The following CTDP1 variants were observed in gnomAD, a reference collection of about 807,000 sequenced individuals.
CTDP1 encodes the protein CTD phosphatase 1.
CTDP1 carries 47 observed loss-of-function variants against 91.8 expected under a neutral mutation model. That is an observed-to-expected ratio of 0.51 (90% CI 0.41 to 0.65). The LOEUF (loss-of-function observed/expected upper bound fraction) is 0.65, where lower values mean the gene tolerates loss of function less well. Among genes scored for constraint, CTDP1 ranks in the 30% least tolerant of loss-of-function variants. The pLI, the probability that CTDP1 is intolerant of heterozygous loss-of-function variation, is 0.00. For missense variants in CTDP1, 1,272 were observed against 1,373.7 expected, an observed-to-expected ratio of 0.93 and a Z score of 1.17; for synonymous variants, 656 against 598.5, an observed-to-expected ratio of 1.10 and a Z score of -1.40.
At chr18:79,725,297 C>T (rs146952868) in intron 10 of CTDP1, among the ~76,000 whole-genome samples, 2,066 of 152,308 alleles carry the variant, frequency 0.014, 45 homozygotes, top group African/African-American at 0.047. Flanking sequence ...AGGTGGGAAG[C>T]GCCCCACCCT....
At chr18:79,720,361 AC>A (rs2086316159) in intron 10 of CTDP1, among the ~76,000 whole-genome samples, 1 of 115,866 alleles carries the variant, frequency 8.6e-6, no homozygotes. Flanking sequence ...TGATGATGTC[AC>A]CTCCTATTGT....
At chr18:79,718,105 C>G (rs111591249) in intron 10 of CTDP1, 89 bp downstream of exon 10, 3 of 1,484,392 alleles carry the variant, frequency 2.0e-6, no homozygotes, top group African/African-American at 1.4e-5. Context: ...GTCAGTTGCC[C>G]GAAGTGAGGG....
intron 10 of CTDP1, among the ~76,000 whole-genome samples, chr18:79,721,065 C>G (rs2086335098): frequency 6.6e-6 from 1 of 152,178 alleles, no homozygotes; most frequent in Non-Finnish European, 1.5e-5. Context: ...TCTGGAAGCT[C>G]TCCGTCCTTT....
intron 4 of CTDP1, among the ~76,000 whole-genome samples, chr18:79,699,747 T>G (rs1396803675): frequency 6.6e-6 from 1 of 152,184 alleles, no homozygotes; most frequent in Non-Finnish European, 1.5e-5. Flanking sequence ...TTATGGTGCT[T>G]CACTGATACT....
intron 6 of CTDP1, among the ~76,000 whole-genome samples, chr18:79,710,956 T>C (rs1194653899): frequency 6.6e-6 from 1 of 152,174 alleles, no homozygotes; most frequent in Non-Finnish European, 1.5e-5. Context: ...GTACTCCCAC[T>C]GTCTCCCAGG....
intron 12 of CTDP1, among the ~76,000 whole-genome samples, chr18:79,739,825 T>A (rs536613469): frequency 7.3e-6 from 1 of 136,484 alleles, no homozygotes; most frequent in African/African-American, 2.8e-5. Context: ...GGGACTCTCA[T>A]ACCCACGGCC....
chr18:79,711,313 C>G (rs1205852052), intron 6 of CTDP1, among the ~76,000 whole-genome samples: 1 of 152,242 alleles, frequency 6.6e-6, no homozygotes. Context: ...GACCTGGCAT[C>G]GAGATTTGTG....
upstream of CTDP1, chr18:79,678,609 T>C (rs1379406672): frequency 6.6e-6 from 1 of 152,194 alleles, no homozygotes; most frequent in Non-Finnish European, 1.5e-5. Flanking sequence ...TCCAAAATGT[T>C]AGTATTCAGC....
At chr18:79,699,565 G>A (rs1466409632) in intron 4 of CTDP1, among the ~76,000 whole-genome samples, 1 of 151,876 alleles carries the variant, frequency 6.6e-6, no homozygotes, top group East Asian at 1.9e-4. Context: ...GCCCGCCCAA[G>A]GTTTTTTTTT....
chr18:79,679,631 G>C (rs187254134), upstream of CTDP1: 1,055 of 491,878 alleles, frequency 2.1e-3, 7 homozygotes, highest in African/African-American at 0.019. Context: ...CTGCTCCACG[G>C]TGCCGGCGCT....
At chr18:79,739,654 C>G (rs1440536805) in intron 12 of CTDP1, among the ~76,000 whole-genome samples, 6 of 152,162 alleles carry the variant, frequency 3.9e-5, no homozygotes, top group African/African-American at 1.4e-4. Context: ...ACTGTAATTG[C>G]CGTTTCACTC....
chr18:79,725,561 A>G (rs1039896326), intron 10 of CTDP1, among the ~76,000 whole-genome samples: 1 of 149,714 alleles, frequency 6.7e-6, no homozygotes, highest in Admixed American at 6.6e-5. Context: ...CTTATTTCGT[A>G]CTTTCCTTCT....
intron 8 of CTDP1, among the ~76,000 whole-genome samples, chr18:79,717,250 G>T (rs995808895): frequency 6.7e-6 from 1 of 150,148 alleles, no homozygotes; most frequent in Non-Finnish European, 1.5e-5. Flanking sequence ...CTGAGCCCTG[G>T]TGGGGTACAG....
chr18:79,682,376 G>A (rs905129170), intron 1 of CTDP1, among the ~76,000 whole-genome samples: 2 of 152,212 alleles, frequency 1.3e-5, no homozygotes, highest in Non-Finnish European at 2.9e-5. Context: ...TGGGAGTAGC[G>A]CCCTGCAGTG....
At chr18:79,695,379 G>A in intron 2 of CTDP1, 71 bp downstream of exon 2, 1 of 1,400,018 alleles carries the variant, frequency 7.1e-7, no homozygotes, top group Non-Finnish European at 1.0e-6. Flanking sequence ...AGTCCGAGAA[G>A]CTGTGCTGGG....
At chr18:79,679,510 G>A, upstream of CTDP1, 1 of 457,740 alleles carries the variant, frequency 2.2e-6, no homozygotes, top group South Asian at 1.5e-5. Flanking sequence ...GTTGAACGCT[G>A]GGACTCGTAG....
rs768414163 is a variant in CTDP1 at position 79,713,170 on chromosome 18, A to G, written c.1030+32A>G. 2.5e-6 allele frequency: 4 copies of G among 1,604,556 alleles called. No individual in the cohort carries two copies. In the Admixed American group the frequency reaches 6.7e-5, roughly 27 times the overall value. On this transcript the variant is annotated intron_variant, in intron 7 of 12. Transcript: ENST00000613122. This position sits in a 1 kb window ranked among gnomAD's most constrained non-coding sequence, Gnocchi z 4.7. ...AACCTCCTTCCTGATTCTCTAGAAG[A>G]ATTCACATTTGCTTATTGTTTAGCT...
chr18:79,736,230 GCAGAGT>G lies in CTDP1; in HGVS notation c.2581-124_2581-119del, dbSNP rs1234152628. On this transcript the variant is annotated intron_variant, in intron 11 of 12. Transcript: ENST00000613122. ...TCAAGCCCCAGGGCTCAGGTAGAAA[GCAGAGT>G]GCTACCTCCAGCCCCCACCCTGCTG... 7 of 1,251,322 alleles carry G rather than the reference GCAGAGT, an allele frequency of 5.6e-6. No homozygotes were observed. In the African/African-American group the frequency reaches 1.0e-4, roughly 19 times the overall value. The allele number at this position is 1,251,322 out of a possible 1,614,324, so 77.5% of individuals were successfully genotyped here.
intron 3 of CTDP1, among the ~76,000 whole-genome samples, chr18:79,696,337 C>A (rs1441168114): frequency 6.6e-6 from 1 of 152,212 alleles, no homozygotes; most frequent in Non-Finnish European, 1.5e-5. Context: ...CCAGGTGCTG[C>A]CGCCGCAGCT....
Sources: allele counts gnomAD v4.1 joint callset (sites outside exome capture counted in the v4.1 genomes callset), GRCh38; gene constraint gnomAD v4.1.1; non-coding constraint Gnocchi (gnomAD v3.1); transcripts MANE v1.5; gene names NCBI Gene and HGNC (gene_info 2026-07-23, HGNC 2026-07-21).